Variants in CYRIA observed in about 807,000 individuals in gnomAD.
CYRIA encodes CYFIP related Rac1 interactor A.
In CYRIA, 15 loss-of-function variants were observed where a neutral mutation model predicts 43.9. The observed-to-expected ratio is 0.34, with a 90% CI of 0.23 to 0.53. CYRIA has a LOEUF of 0.53. Ranked by LOEUF, CYRIA falls within the 20% of genes least tolerant of loss-of-function variation. The pLI is 0.94. For synonymous variants in CYRIA, 117 were observed against 136.0 expected (o/e 0.86, Z 0.97); for missense variants, 236 against 394.2 (o/e 0.60, Z 3.40).
intron 1 of CYRIA, among the ~76,000 whole-genome samples, chr2:16,652,271 G>C (rs776497962): frequency 5.3e-5 from 8 of 152,072 alleles, no homozygotes; most frequent in Non-Finnish European, 1.2e-4. Flanking sequence ...CTAACCCTAT[G>C]AGCTACTTGT....
chr2:16,623,845 A>G lies in CYRIA; in HGVS notation c.-11+19T>C, dbSNP rs1002122532. 1 of 152,232 alleles carries G rather than the reference A, an allele frequency of 6.6e-6. No homozygotes were observed. Among genetic ancestry groups the G allele is most frequent in the Non-Finnish European group, 1.5e-5 (1 of 68,050 alleles). 9.4% of individuals were successfully genotyped at this position (152,232 alleles called of 1,614,324 possible). ...TATCAGTGTGCTACACGTTATAACG[A>G]AAGTCAATTGTTTCTTACCTGGAAA... is the stretch of plus-strand genomic sequence containing the variant. On this transcript the variant is annotated intron_variant, in intron 2 of 11. Coordinates refer to ENST00000381323, the MANE Select transcript of CYRIA (RefSeq NM_030797.4).
chr2:16,601,218 TG>T, intron 2 of CYRIA, among the ~76,000 whole-genome samples: 1 of 152,110 alleles, frequency 6.6e-6, no homozygotes, highest in East Asian at 1.9e-4. Flanking sequence ...TGAAGTCTTC[TG>T]GAAGAGTTTG....
chr2:16,653,005 A>T (rs1353673657), intron 1 of CYRIA, among the ~76,000 whole-genome samples: 1 of 152,236 alleles, frequency 6.6e-6, no homozygotes, highest in East Asian at 1.9e-4. Context: ...ACTTAAAAAA[A>T]TAAATAGGAG....
chr2:16,608,873 G>C (rs1395912432), intron 2 of CYRIA, among the ~76,000 whole-genome samples: 4 of 152,204 alleles, frequency 2.6e-5, no homozygotes, highest in Non-Finnish European at 4.4e-5. Context: ...CGTCAGTGAA[G>C]AGGTGAAGCT....
intron 3 of CYRIA, among the ~76,000 whole-genome samples, chr2:16,572,245 C>T (rs1438068131): frequency 6.6e-6 from 1 of 152,122 alleles, no homozygotes; most frequent in African/African-American, 2.4e-5. Context: ...CTAAGAATAG[C>T]CTGTCTCCTC....
rs140336114 is a variant in CYRIA at position 16,570,521 on chromosome 2, C to T, written c.71-4754G>A. Among the ~76,000 whole-genome samples, 497 of 152,278 alleles carry T rather than the reference C, an allele frequency of 3.3e-3. 6 individuals are homozygous for T. The highest frequency in any genetic ancestry group is 0.011 in the African/African-American group (468 of 41,552). On this transcript the variant is annotated intron_variant, in intron 3 of 11. Transcript: ENST00000381323. ...CCCTTTGAGAGGCTTTGGAGTCTTA[C>T]ACTTGGCCTTCTCGATATTCAGATT...
intron 1 of CYRIA, among the ~76,000 whole-genome samples, chr2:16,639,626 C>T (rs1669612189): frequency 6.6e-6 from 1 of 152,236 alleles, no homozygotes; most frequent in Non-Finnish European, 1.5e-5. Context: ...GCATAACGTC[C>T]CATTGTGCAT....
In CYRIA at chr2:16,581,739, A is replaced by T. The variant is rs551291970; in HGVS notation, c.70+6311T>A. On this transcript the variant is annotated intron_variant, in intron 3 of 11. Transcript: ENST00000381323. ...TACCCAAGGAATATAATGCCCACAA[A>T]TATTCTACAAGAATGTTTATAGCAC... 5.9e-5 allele frequency among the ~76,000 whole-genome samples: 9 copies of T among 152,306 alleles called. No homozygotes were observed. In the South Asian group the frequency reaches 1.5e-3, roughly 25 times the overall value.
chr2:16,651,164 A>G (rs539318188), intron 1 of CYRIA, among the ~76,000 whole-genome samples: 1 of 152,182 alleles, frequency 6.6e-6, no homozygotes, highest in East Asian at 1.9e-4. Context: ...GCTTTTCATG[A>G]CAATTCACAC....
At chr2:16,649,545 CAGTT>C (rs1342608155) in intron 1 of CYRIA, among the ~76,000 whole-genome samples, 1 of 148,898 alleles carries the variant, frequency 6.7e-6, no homozygotes, top group Non-Finnish European at 1.5e-5. Flanking sequence ...GTACAGAGGA[CAGTT>C]AGTTGTGTAA....
chr2:16,649,998 G>T (rs144997811), intron 1 of CYRIA, among the ~76,000 whole-genome samples: 1 of 152,088 alleles, frequency 6.6e-6, no homozygotes, highest in Admixed American at 6.5e-5. Flanking sequence ...CACCTTGCTC[G>T]ATCGCTTCTG....
chr2:16,649,747 C>T (rs528024502), intron 1 of CYRIA, among the ~76,000 whole-genome samples: 17 of 150,672 alleles, frequency 1.1e-4, no homozygotes, highest in South Asian at 2.1e-4. Context: ...GCACAGGGCA[C>T]GGTTGTACAG....
At chr2:16,644,858 A>G (rs1444038125) in intron 1 of CYRIA, among the ~76,000 whole-genome samples, 1 of 152,142 alleles carries the variant, frequency 6.6e-6, no homozygotes, top group Non-Finnish European at 1.5e-5. Flanking sequence ...GCCCTGCCCC[A>G]CCAACCCCCC....
At chr2:16,618,609 GCAAAGCACCCACCC>G (rs1668885959) in intron 2 of CYRIA, among the ~76,000 whole-genome samples, 1 of 152,182 alleles carries the variant, frequency 6.6e-6, no homozygotes, top group Non-Finnish European at 1.5e-5. Flanking sequence ...CTCCATCAGA[GCAAAGCACCCACCC>G]CAAAGCCCCT....
intron 2 of CYRIA, among the ~76,000 whole-genome samples, chr2:16,604,670 T>A (rs1246390057): frequency 1.3e-5 from 2 of 152,250 alleles, no homozygotes; most frequent in African/African-American, 4.8e-5. Context: ...AGCAGCTGTT[T>A]TTCTGGGGAA....
Position 16,650,577 on chromosome 2 carries a change from C to T in CYRIA, c.-167+15203G>A, listed in dbSNP as rs1669947572. Among the ~76,000 whole-genome samples the T allele has an allele frequency of 6.6e-6, 1 of 152,248 alleles. No homozygotes were observed. Among genetic ancestry groups the T allele is most frequent in the Non-Finnish European group, 1.5e-5 (1 of 68,040 alleles). ...CATGGGCTGGCAGCCCCAGCTCTCA[C>T]ACTCAGAGGCTCCACAAAGCAACCC... On this transcript the variant is annotated intron_variant, in intron 1 of 11. Coordinates refer to ENST00000381323, the MANE Select transcript of CYRIA (RefSeq NM_030797.4). The surrounding 1 kb of genome is among the most constrained non-coding windows in gnomAD (Gnocchi z 4.1).
chr2:16,608,696 C>A (rs548306364), intron 2 of CYRIA, among the ~76,000 whole-genome samples: 2 of 152,294 alleles, frequency 1.3e-5, no homozygotes, highest in South Asian at 4.1e-4. Context: ...GGTAGAAGTT[C>A]TTAGTGTAGC....
rs376587125 is a variant in CYRIA at position 16,552,927 on chromosome 2, A to G, written c.*9T>C. Reference sequence around the variant, plus strand: ...GTCAGCACATAGATCCTCTTCTTTGAGCAGAGCTCTACTGAAGCATTGCTC... The same window carrying G: ...GTCAGCACATAGATCCTCTTCTTTGGGCAGAGCTCTACTGAAGCATTGCTC... On this transcript the variant is annotated 3_prime_UTR_variant, in exon 12 of 12. Transcript: ENST00000381323. 13 of 1,573,736 alleles carry G rather than the reference A, an allele frequency of 8.3e-6. No homozygotes were observed. Among genetic ancestry groups the G allele is most frequent in the Non-Finnish European group, 2.6e-6 (3 of 1,143,466 alleles).
At chr2:16,590,222 C>T (rs60601492) in intron 2 of CYRIA, among the ~76,000 whole-genome samples, 2 of 151,920 alleles carry the variant, frequency 1.3e-5, no homozygotes, top group East Asian at 1.9e-4. Context: ...ATCCTGTGTG[C>T]GGTAGGTTCT....
Sources: gnomAD v4.1 joint callset for allele counts (sites outside exome capture counted in the v4.1 genomes callset) on GRCh38, gnomAD v4.1.1 for gene constraint, Gnocchi (gnomAD v3.1) non-coding constraint, MANE v1.5 for transcripts, NCBI Gene and HGNC (gene_info 2026-07-23, HGNC 2026-07-21) for gene names.